PSMA3: variants seen among roughly 807,000 people sequenced by gnomAD.
The protein encoded by PSMA3 is proteasome subunit alpha type-3.
PSMA3 carries 8 observed loss-of-function variants against 40.0 expected under a neutral mutation model. The ratio of observed to expected loss-of-function variants is 0.20; its 90% CI spans 0.12 to 0.36. The LOEUF is 0.36. PSMA3 is among the 10% of genes least tolerant of loss of function. The probability of loss-of-function intolerance (pLI) is 1.00; values close to 1 mark genes in which losing one functional copy is unlikely to be tolerated. For synonymous variants in PSMA3, 110 were observed against 100.0 expected, an observed-to-expected ratio of 1.10 and a Z score of -0.59; for missense variants, 219 against 310.6, an observed-to-expected ratio of 0.70 and a Z score of 2.22.
intron 3 of PSMA3, among the ~76,000 whole-genome samples, chr14:58,255,761 C>G (rs1452933585): frequency 6.6e-6 from 1 of 152,190 alleles, no homozygotes; most frequent in Non-Finnish European, 1.5e-5. Context: ...AAGAGCAAAA[C>G]TCCATCTCAA....
intron 3 of PSMA3, among the ~76,000 whole-genome samples, chr14:58,255,900 T>A (rs540077581): frequency 6.6e-6 from 1 of 152,340 alleles, no homozygotes; most frequent in Non-Finnish European, 1.5e-5. Context: ...ATTCTGTTGC[T>A]CAGGCTGGAG....
intron 3 of PSMA3, among the ~76,000 whole-genome samples, chr14:58,254,340 A>ATATATATATATATGCATGTATG: frequency 2.9e-5 from 1 of 34,780 alleles, no homozygotes; most frequent in African/African-American, 9.7e-5. Context: ...ATGCATATAT[A>ATATATATATATATGCATGTATG]TATGTATGTA....
At chr14:58,271,335 T>C (rs1164448820) in intron 10 of PSMA3, among the ~76,000 whole-genome samples, 21 of 144,156 alleles carry the variant, frequency 1.5e-4, no homozygotes, top group African/African-American at 4.9e-4. Flanking sequence ...TTCTTTTTTT[T>C]TTTTTTTTTT....
Position 58,270,486 on chromosome 14 carries a change from G to T in PSMA3, c.658+1G>T. ...CTAGAACTCAGCTGGGTTGGTGAAT[G>T]TAAGTTATTTTTGTACATTTATTTG... On this transcript the variant is annotated splice_donor_variant, in intron 9 of 10. Coordinates refer to ENST00000216455, the MANE Select transcript of PSMA3 (RefSeq NM_002788.4). LOFTEE classifies it high-confidence loss of function. 1 of 1,613,604 alleles carries T rather than the reference G, an allele frequency of 6.2e-7. No individual in the cohort carries two copies. The highest frequency in any genetic ancestry group is 8.5e-7 in the Non-Finnish European group (1 of 1,179,722).
chr14:58,260,839 A>G (rs1164960622), intron 5 of PSMA3, 109 bp from the exon 6 acceptor site: 5 of 685,972 alleles, frequency 7.3e-6, no homozygotes, highest in East Asian at 2.8e-5. Context: ...TTATATGTGT[A>G]TTAGTAATTT....
intron 3 of PSMA3, among the ~76,000 whole-genome samples, chr14:58,253,853 C>T (rs1008345126): frequency 6.6e-6 from 1 of 152,224 alleles, no homozygotes; most frequent in African/African-American, 2.4e-5. Context: ...CTTGGCCTCC[C>T]AAAGTGCTGG....
intron 9 of PSMA3, 119 bp downstream of exon 9, chr14:58,270,604 A>G: frequency 6.6e-7 from 1 of 1,516,982 alleles, no homozygotes; most frequent in Non-Finnish European, 8.8e-7. Context: ...TTGTCTAATG[A>G]AGGGAAAGTT....
At position 58,270,889 on chromosome 14, in the gene PSMA3, G is replaced by A. The variant is rs375820906; in HGVS notation, c.659-45G>A. On this transcript the variant is annotated intron_variant, in intron 9 of 10. Coordinates refer to ENST00000216455, the MANE Select transcript of PSMA3 (RefSeq NM_002788.4). ...TATGGTATACTGCAAGTTACAATAT[G>A]GTACTCAATTTAAAATTCATTTACA... 4.8e-6 allele frequency: 7 copies of A among 1,461,434 alleles called. No homozygotes were observed. The African/African-American group carries it at 7.0e-5, about 15-fold the overall frequency. The allele number at this position is 1,461,434 out of a possible 1,614,324, so 90.5% of individuals were successfully genotyped here.
chr14:58,251,187 G>A (rs1456780313), intron 2 of PSMA3, among the ~76,000 whole-genome samples: 2 of 152,190 alleles, frequency 1.3e-5, no homozygotes, highest in East Asian at 1.9e-4. Context: ...TATTGTTTCC[G>A]ATCAGAACTA....
At chr14:58,248,573 C>T (rs956986609) in intron 2 of PSMA3, among the ~76,000 whole-genome samples, 3 of 152,052 alleles carry the variant, frequency 2.0e-5, no homozygotes, top group South Asian at 2.1e-4. Flanking sequence ...AGCCTAAATA[C>T]GATTTTAAAA....
chr14:58,245,157 G>T (rs746657435), intron 1 of PSMA3: 7 of 591,308 alleles, frequency 1.2e-5, no homozygotes, highest in African/African-American at 5.6e-5. Context: ...TTCAGCGCAG[G>T]TGTAGCCGGC....
At chr14:58,250,860 T>G (rs1176596578) in intron 2 of PSMA3, among the ~76,000 whole-genome samples, 1 of 152,144 alleles carries the variant, frequency 6.6e-6, no homozygotes, top group Non-Finnish European at 1.5e-5. Context: ...CCTGAAATTA[T>G]AAGGATCCCA....
chr14:58,247,198 T>G (rs1252490718), intron 1 of PSMA3, among the ~76,000 whole-genome samples: 2 of 152,240 alleles, frequency 1.3e-5, no homozygotes, highest in Non-Finnish European at 2.9e-5. Flanking sequence ...GATGATGTAG[T>G]CTGTAGTAGT....
chr14:58,245,389 G>C (rs771623531), intron 1 of PSMA3: 2 of 182,410 alleles, frequency 1.1e-5, no homozygotes, highest in African/African-American at 2.3e-5. Context: ...GGCCTTCTCT[G>C]TCTTTAAGTG....
At chr14:58,248,663 G>GA (rs1233680670) in intron 2 of PSMA3, among the ~76,000 whole-genome samples, 4 of 151,890 alleles carry the variant, frequency 2.6e-5, no homozygotes, top group Non-Finnish European at 5.9e-5. Context: ...CCTGAATGAA[G>GA]AAAAAATGCA....
At chr14:58,260,926 C>T in intron 5 of PSMA3, 22 bp from the exon 6 acceptor site, 2 of 1,551,148 alleles carry the variant, frequency 1.3e-6, no homozygotes, top group African/African-American at 1.4e-5. Flanking sequence ...ATGGTTTAAG[C>T]TGTTTGTATA....
Position 58,244,846 on chromosome 14 carries a change from A to G in PSMA3, c.-75A>G. On this transcript the variant is annotated 5_prime_UTR_variant, in exon 1 of 11. Coordinates refer to ENST00000216455, the MANE Select transcript of PSMA3 (RefSeq NM_002788.4). ...TCAGCCAATGAGCGGGCCTGTTACT[A>G]GTTTGCGGCATCCTGTGGTATAGGG... The G allele has an allele frequency of 1.3e-6, 2 of 1,591,858 alleles. No individual in the cohort carries two copies. Among genetic ancestry groups the G allele is most frequent in the Admixed American group, 1.7e-5 (1 of 59,962 alleles).
intron 6 of PSMA3, 103 bp from the exon 7 acceptor site, chr14:58,263,602 A>G (rs1406667907): frequency 1.1e-5 from 10 of 895,588 alleles, no homozygotes; most frequent in Non-Finnish European, 1.7e-5. Flanking sequence ...TGCTTTTAAA[A>G]GTCATTTAGC....
In PSMA3 at chr14:58,254,340, A is replaced by ATATATATATATGTATG; in HGVS notation, c.228+2101_228+2102insATATATATGTATGTAT. Among the ~76,000 whole-genome samples the ATATATATATATGTATG allele has an allele frequency of 1.8e-3, 63 of 34,726 alleles. 15 individuals carry two copies. Among genetic ancestry groups the ATATATATATATGTATG allele is most frequent in the South Asian group, 2.4e-3 (2 of 828 alleles). The allele number at this position is 34,726 out of a possible 152,430, so 22.8% of individuals were successfully genotyped here. On this transcript the variant is annotated intron_variant, in intron 3 of 10. Transcript: ENST00000216455. ...TGAAAAAAATTATGCATGCATATAT[A>ATATATATATATGTATG]TATGTATGTACACACACACAGAGGT... is the stretch of plus-strand genomic sequence containing the variant.
Sources: gnomAD v4.1 joint callset for allele counts (sites outside exome capture counted in the v4.1 genomes callset) on GRCh38, gnomAD v4.1.1 for gene constraint, MANE v1.5 for transcripts, NCBI Gene and HGNC (gene_info 2026-07-23, HGNC 2026-07-21) for gene names.